CELF2: variants seen among roughly 807,000 people sequenced by gnomAD.
The protein encoded by CELF2 is CUGBP Elav-like family member 2.
A neutral mutation model predicts 62.6 loss-of-function variants in CELF2; 8 were observed. That is an observed-to-expected ratio of 0.13 (90% CI 0.07 to 0.23). CELF2 has a LOEUF of 0.23. Among genes scored for constraint, CELF2 ranks in the 10% least tolerant of loss-of-function variants. The pLI, the probability that CELF2 is intolerant of heterozygous loss-of-function variation, is 1.00. For missense variants in CELF2, 333 were observed against 671.0 expected, an observed-to-expected ratio of 0.50 and a Z score of 5.56; for synonymous variants, 258 against 250.0, an observed-to-expected ratio of 1.03 and a Z score of -0.30.
chr10:10,656,552 T>G, the CELF2 span, among the ~76,000 whole-genome samples: 3 of 132,822 alleles, frequency 2.3e-5, no homozygotes, highest in African/African-American at 8.3e-5. Flanking sequence ...TAAAAAATGA[T>G]GAGTTCATGT....
At chr10:10,556,590 T>G in the CELF2 span, among the ~76,000 whole-genome samples, 6 of 152,154 alleles carry the variant, frequency 3.9e-5, no homozygotes, top group African/African-American at 7.2e-5. Context: ...TAGTTCTAGA[T>G]CCCTGAGGAG....
chr10:10,579,347 C>T, the CELF2 span, among the ~76,000 whole-genome samples: 1 of 152,138 alleles, frequency 6.6e-6, no homozygotes, highest in Non-Finnish European at 1.5e-5. Context: ...AGATGGTCTT[C>T]ATGGTACTCA....
chr10:11,091,653 C>T (rs917611443), intron 1 of CELF2, among the ~76,000 whole-genome samples: 14 of 152,146 alleles, frequency 9.2e-5, no homozygotes, highest in African/African-American at 3.1e-4. Context: ...GAGGCGAACC[C>T]GAATTTTTTT....
At chr10:11,301,017 G>A (rs1450182425) in intron 9 of CELF2, among the ~76,000 whole-genome samples, 1 of 152,152 alleles carries the variant, frequency 6.6e-6, no homozygotes, top group East Asian at 1.9e-4. Flanking sequence ...GGGTTAATAT[G>A]AGAACATTAA....
intron 8 of CELF2, among the ~76,000 whole-genome samples, chr10:11,277,116 T>C (rs1233171163): frequency 1.3e-5 from 2 of 152,188 alleles, no homozygotes; most frequent in East Asian, 3.9e-4. Context: ...TCGGGCTCTG[T>C]GAAGGATACC....
rs1447512024 is a variant in CELF2, at chr10:10,983,685, A to C, written c.89+63686A>C. 6.6e-6 allele frequency among the ~76,000 whole-genome samples: 1 copy of C among 152,188 alleles called. No individual in the cohort carries two copies. The highest frequency in any genetic ancestry group is 1.9e-4 in the East Asian group (1 of 5,190). The stretch of plus-strand genomic sequence containing the variant: ...CAGGTTCAAGCGATTCTCCTGCCTC[A>C]GCCTCCCAAGTAACTGAGATTATAG... On this transcript the variant is annotated intron_variant, in intron 2 of 13. Transcript: ENST00000636488. This position sits in a 1 kb window ranked among gnomAD's most constrained non-coding sequence, Gnocchi z 5.2.
At chr10:10,692,240 T>A in the CELF2 span, among the ~76,000 whole-genome samples, 1 of 150,638 alleles carries the variant, frequency 6.6e-6, no homozygotes, top group African/African-American at 2.4e-5. Flanking sequence ...TAGCCAGTTT[T>A]CCCAGCACCA....
At chr10:10,680,504 G>A in the CELF2 span, among the ~76,000 whole-genome samples, 1 of 152,180 alleles carries the variant, frequency 6.6e-6, no homozygotes, top group Non-Finnish European at 1.5e-5. Flanking sequence ...CCAGAAACAT[G>A]ATGTATGACA....
chr10:10,981,679 T>C (rs1201531393), intron 2 of CELF2, among the ~76,000 whole-genome samples: 2 of 152,244 alleles, frequency 1.3e-5, no homozygotes, highest in Non-Finnish European at 2.9e-5. Context: ...ACACTCATCT[T>C]TTTCTGTTGA....
chr10:11,166,750 C>T (rs534678350), intron 2 of CELF2, among the ~76,000 whole-genome samples: 4 of 152,332 alleles, frequency 2.6e-5, no homozygotes, highest in East Asian at 3.8e-4. Context: ...CGGTTGGGCA[C>T]ACGAACATAT....
chr10:10,645,148 G>A, the CELF2 span, among the ~76,000 whole-genome samples: 5 of 152,166 alleles, frequency 3.3e-5, no homozygotes, highest in Non-Finnish European at 5.9e-5. Context: ...CAGGGGGGAT[G>A]AGATGCTGTT....
chr10:10,938,417 T>C lies in CELF2; in HGVS notation c.89+18418T>C, dbSNP rs561916559. Among the ~76,000 whole-genome samples, 5 of 152,354 alleles carry C rather than the reference T, an allele frequency of 3.3e-5. No individual in the cohort carries two copies. In the South Asian group the frequency reaches 1.0e-3, roughly 32 times the overall value. On this transcript the variant is annotated intron_variant, in intron 2 of 13. Coordinates refer to the CELF2 transcript ENST00000636488. This position sits in a 1 kb window ranked among gnomAD's most constrained non-coding sequence, Gnocchi z 4.2. ...TTTTGGGCATCAGATGATAATTCTT[T>C]CAGAGAATATGCCTGGGTTTTTGTG...
chr10:11,184,775 A>G (rs2074381462), intron 2 of CELF2, among the ~76,000 whole-genome samples: 1 of 152,206 alleles, frequency 6.6e-6, no homozygotes. Context: ...AACTCATTCT[A>G]GTAGCTTTTT....
At chr10:11,122,635 C>G (rs2057971499) in intron 1 of CELF2, among the ~76,000 whole-genome samples, 2 of 152,170 alleles carry the variant, frequency 1.3e-5, no homozygotes, top group Admixed American at 6.5e-5. Flanking sequence ...TTCCTTTCCC[C>G]CTCCTTTTAG....
intron 2 of CELF2, among the ~76,000 whole-genome samples, chr10:11,212,980 G>T (rs1017384649): frequency 6.6e-6 from 1 of 152,326 alleles, no homozygotes; most frequent in South Asian, 2.1e-4. Context: ...AATAGGTGAA[G>T]CAGCAGAAAT....
intron 1 of CELF2, among the ~76,000 whole-genome samples, chr10:10,903,504 T>C (rs2063098567): frequency 6.6e-6 from 1 of 152,222 alleles, no homozygotes; most frequent in Non-Finnish European, 1.5e-5. Flanking sequence ...TGATCACGTT[T>C]CTTATAAAAA....
the CELF2 span, among the ~76,000 whole-genome samples, chr10:10,620,247 G>C: frequency 6.6e-6 from 1 of 152,210 alleles, no homozygotes; most frequent in South Asian, 2.1e-4. Context: ...CAACAGCAGA[G>C]TTCAGCCAGG....
At chr10:10,695,216 T>C in the CELF2 span, among the ~76,000 whole-genome samples, 1 of 147,170 alleles carries the variant, frequency 6.8e-6, no homozygotes, top group Non-Finnish European at 1.5e-5. Flanking sequence ...TGACAAAATC[T>C]CTCAGCATTT....
chr10:11,077,234 G>A (rs942055727), intron 1 of CELF2, among the ~76,000 whole-genome samples: 1 of 152,226 alleles, frequency 6.6e-6, no homozygotes, highest in East Asian at 1.9e-4. Flanking sequence ...TGCACATAGG[G>A]AGGAATGTGT....
Sources: allele counts gnomAD v4.1 joint callset (sites outside exome capture counted in the v4.1 genomes callset), GRCh38; gene constraint gnomAD v4.1.1; non-coding constraint Gnocchi (gnomAD v3.1); transcripts MANE v1.5; gene names NCBI Gene and HGNC (gene_info 2026-07-23, HGNC 2026-07-21).